Variants in PRR12 observed in about 807,000 individuals in gnomAD.
PRR12 encodes proline rich 12, also known as proline-rich protein 12.
In PRR12, 12 loss-of-function variants were observed where a neutral mutation model predicts 138.0. The ratio of observed to expected loss-of-function variants is 0.09; its 90% CI spans 0.06 to 0.14. PRR12 has a LOEUF of 0.14. PRR12 is among the 10% of genes least tolerant of loss of function. The pLI is 1.00. For missense variants in PRR12, 2,692 were observed against 2,861.3 expected (o/e 0.94, Z 1.35); for synonymous variants, 1,567 against 1,291.7 (o/e 1.21, Z -4.57).
At chr19:49,603,207 G>T (rs751098590) in intron 6 of PRR12, among the ~76,000 whole-genome samples, 3 of 152,218 alleles carry the variant, frequency 2.0e-5, no homozygotes, top group Non-Finnish European at 4.4e-5. Flanking sequence ...GCACTTGACA[G>T]GGGTAGGTGT....
At chr19:49,612,348 G>A (rs2080871256) in intron 6 of PRR12, among the ~76,000 whole-genome samples, 1 of 152,066 alleles carries the variant, frequency 6.6e-6, no homozygotes, top group African/African-American at 2.4e-5. Flanking sequence ...GTAATCGGCA[G>A]TTGGCATGGT....
At chr19:49,598,596 G>A (rs2080791557) in intron 4 of PRR12, among the ~76,000 whole-genome samples, 1 of 152,114 alleles carries the variant, frequency 6.6e-6, no homozygotes, top group Non-Finnish European at 1.5e-5. Context: ...GAGGCGGGAG[G>A]ATCTCTTGAA....
intron 1 of PRR12, among the ~76,000 whole-genome samples, chr19:49,592,141 T>C (rs1256003273): frequency 6.7e-6 from 1 of 149,784 alleles, no homozygotes; most frequent in Non-Finnish European, 1.5e-5. Flanking sequence ...AGAACGCAGA[T>C]CTGGGGGGCG....
Position 49,593,413 on chromosome 19 carries a change from G to C in PRR12, c.173G>C (p.Ser58Thr), listed in dbSNP as rs781646356. Residue 58 changes from serine (S) to threonine (T), a missense_variant, in exon 2 of 14, where the codon AGC (serine) becomes ACC (threonine). Coordinates refer to ENST00000418929, the MANE Select transcript of PRR12 (RefSeq NM_020719.3). The stretch of plus-strand genomic sequence containing the variant: ...TATGCGGCCCCCCACCCACTGCAAA[G>C]CTATGCCACCAACCACCACCCGGCA... ...QAYAAPHPLQ[S>T]YATNHHPAGL... 8.1e-6 allele frequency: 13 copies of C among 1,603,526 alleles called. No homozygotes were observed. The South Asian group carries it at 1.3e-4, about 16-fold the overall frequency.
chr19:49,592,609 T>A (rs1034887750), intron 1 of PRR12, among the ~76,000 whole-genome samples: 1 of 152,096 alleles, frequency 6.6e-6, no homozygotes, highest in Non-Finnish European at 1.5e-5. Flanking sequence ...TAACCCCAAG[T>A]GTGTCAGGAT....
In PRR12 at chr19:49,606,323, T is replaced by G. The variant is rs199959735; in HGVS notation, c.4773+4405T>G. On this transcript the variant is annotated intron_variant, in intron 6 of 13. Coordinates refer to ENST00000418929, the MANE Select transcript of PRR12 (RefSeq NM_020719.3). ...CTGGACTTTTTTTTCTTCTTTTTTT[T>G]TTTTTTGAGACAGAGTCTCAGTCTG... Among the ~76,000 whole-genome samples the G allele has an allele frequency of 6.6e-5, 10 of 151,536 alleles. No homozygotes were observed. The East Asian group carries it at 1.7e-3, about 26-fold the overall frequency.
intron 11 of PRR12, among the ~76,000 whole-genome samples, chr19:49,623,539 G>C (rs932187696): frequency 6.6e-6 from 1 of 151,902 alleles, no homozygotes; most frequent in Non-Finnish European, 1.5e-5. Flanking sequence ...GGCTGAGGCA[G>C]AATAATGGTG....
chr19:49,618,882 T>A (rs1457609079), intron 9 of PRR12, among the ~76,000 whole-genome samples: 2 of 151,960 alleles, frequency 1.3e-5, no homozygotes, highest in Non-Finnish European at 2.9e-5. Flanking sequence ...GTCTGTCCCC[T>A]GCTTGGCTTA....
intron 6 of PRR12, among the ~76,000 whole-genome samples, chr19:49,602,906 A>T (rs953564597): frequency 6.6e-6 from 1 of 152,246 alleles, no homozygotes; most frequent in South Asian, 2.1e-4. Flanking sequence ...GCAGACCAAC[A>T]GCCTGTTCAC....
intron 5 of PRR12, among the ~76,000 whole-genome samples, chr19:49,600,525 C>G (rs2080804427): frequency 6.6e-6 from 1 of 151,006 alleles, no homozygotes; most frequent in Non-Finnish European, 1.5e-5. Flanking sequence ...GTGGACCACA[C>G]CTGTAATCCT....
intron 4 of PRR12, among the ~76,000 whole-genome samples, chr19:49,598,275 C>A (rs1028234907): frequency 2.0e-5 from 3 of 151,752 alleles, no homozygotes; most frequent in Non-Finnish European, 4.4e-5. Context: ...GGGGTTTCAC[C>A]GTATTAGTCA....
intron 6 of PRR12, among the ~76,000 whole-genome samples, chr19:49,612,307 G>A (rs2080871017): frequency 6.6e-6 from 1 of 151,874 alleles, no homozygotes; most frequent in South Asian, 2.1e-4. Flanking sequence ...GAACCATTGA[G>A]TAGGAGGCTG....
At position 49,616,326 on chromosome 19, in the gene PRR12, T is replaced by C. The variant is rs2080893150; in HGVS notation, c.5497+107T>C. On this transcript the variant is annotated intron_variant, in intron 9 of 13. Transcript: ENST00000418929. The surrounding 1 kb of genome is among the most constrained non-coding windows in gnomAD (Gnocchi z 4.2). ...GCCTTGGCAGGACAGTAAGAACCAG[T>C]ATGTTACAGATAATGGCAGTAGCTC... 9.8e-7 allele frequency: 1 copy of C among 1,017,482 alleles called. No homozygotes were observed. The highest frequency in any genetic ancestry group is 1.8e-5 in the South Asian group (1 of 55,578). The allele number at this position is 1,017,482 out of a possible 1,614,324, so 63.0% of individuals were successfully genotyped here. A position where few individuals can be genotyped will look rare whatever the true frequency, so the allele number is the denominator to read the frequency against.
In PRR12 at chr19:49,616,607, G is replaced by A. The variant is rs548478984; in HGVS notation, c.5497+388G>A. On this transcript the variant is annotated intron_variant, in intron 9 of 13. Transcript: ENST00000418929. The surrounding 1 kb of genome is among the most constrained non-coding windows in gnomAD (Gnocchi z 4.2). ...TAATAGGCAAGATTTGAGGGCTGAG[G>A]AAGATGTGGGACTAGGCAGCTGTCC... Among the ~76,000 whole-genome samples the A allele has an allele frequency of 3.3e-5, 5 of 152,252 alleles. No individual in the cohort carries two copies. Among genetic ancestry groups the A allele is most frequent in the African/African-American group, 1.2e-4 (5 of 41,548 alleles).
At chr19:49,593,554 GC>G (rs1160840397) in intron 2 of PRR12, 115 bp downstream of exon 2, 5 of 591,358 alleles carry the variant, frequency 8.5e-6, no homozygotes, top group Non-Finnish European at 1.5e-5. Context: ...GCCGTGGCCC[GC>G]CCCTTGCTGT....
intron 9 of PRR12, among the ~76,000 whole-genome samples, chr19:49,618,981 C>T (rs1350705399): frequency 1.3e-5 from 2 of 152,032 alleles, no homozygotes; most frequent in Non-Finnish European, 2.9e-5. Flanking sequence ...AGCCCTTGCC[C>T]TTTCTGCCTG....
chr19:49,614,860 C>T lies in PRR12; in HGVS notation c.4891-16C>T. On this transcript the variant is annotated splice_polypyrimidine_tract_variant and intron_variant, in intron 7 of 13. Transcript: ENST00000418929. This position sits in a 1 kb window ranked among gnomAD's most constrained non-coding sequence, Gnocchi z 5.0. Reference sequence around the variant, plus strand: ...CAGTGTGAAGAATTTCCTCATGTGCCTCTTTCTCCCCATAGTATTTGGGGT... The same window carrying T: ...CAGTGTGAAGAATTTCCTCATGTGCTTCTTTCTCCCCATAGTATTTGGGGT... The T allele has an allele frequency of 2.5e-6, 4 of 1,613,950 alleles. No individual in the cohort carries two copies. Among genetic ancestry groups the T allele is most frequent in the South Asian group, 1.1e-5 (1 of 91,084 alleles).
intron 6 of PRR12, among the ~76,000 whole-genome samples, chr19:49,607,967 C>T (rs931541151): frequency 3.3e-5 from 5 of 151,742 alleles, no homozygotes; most frequent in African/African-American, 7.3e-5. Context: ...TGCAGTGAGC[C>T]GAAATGACGC....
rs1599807087 is a variant in PRR12, at chr19:49,624,968, A to G, written c.5846A>G (p.Lys1949Arg). The stretch of plus-strand genomic sequence containing the variant: ...AACCGCAAGACGCTCAGCAAGCTCA[A>G]GAGGAGCGTGGTCAGAGCCCAGGTG... ...PYNRKTLSKL[K>R]RSVVRAQEFK... Residue 1949 changes from lysine to arginine, a missense_variant, in exon 12 of 14, where the codon AAG becomes AGG. By Grantham distance (26) the Lys-to-Arg change is conservative (BLOSUM62 2). Around this residue, in one of 11 missense-constraint regions of PRR12, gnomAD observed 116 missense variants for 243.4 expected, o/e 0.48. Coordinates refer to ENST00000418929, the MANE Select transcript of PRR12 (RefSeq NM_020719.3). 6.3e-7 allele frequency: 1 copy of G among 1,598,260 alleles called. No individual in the cohort carries two copies. Among genetic ancestry groups the G allele is most frequent in the Non-Finnish European group, 8.5e-7 (1 of 1,170,814 alleles).
Sources: allele counts gnomAD v4.1 joint callset (sites outside exome capture counted in the v4.1 genomes callset), GRCh38; gene constraint gnomAD v4.1.1; regional missense constraint gnomAD v4.1.1; non-coding constraint Gnocchi (gnomAD v3.1); transcripts MANE v1.5; gene names NCBI Gene and HGNC (gene_info 2026-07-23, HGNC 2026-07-21).